Variants in MSH4 observed in about 807,000 individuals in gnomAD.
The protein encoded by MSH4 is mutS protein homolog 4.
In MSH4, 106 loss-of-function variants were observed where a neutral mutation model predicts 113.7. That is an observed-to-expected ratio of 0.93 (90% CI 0.80 to 1.10). The LOEUF is 1.10. MSH4 is among the 50% of genes least tolerant of loss of function. The pLI is 0.00. For synonymous variants in MSH4, 368 were observed against 380.2 expected (o/e 0.97, Z 0.37); for missense variants, 1,061 against 1,093.7 (o/e 0.97, Z 0.42).
chr1:75,881,209 A>C, intron 13 of MSH4, 37 bp from the exon 14 acceptor site: 1 of 1,499,174 alleles, frequency 6.7e-7, no homozygotes, highest in Non-Finnish European at 9.0e-7. Context: ...CCCTTTTGAA[A>C]AAACATTATT....
chr1:75,909,854 C>A (rs559036126), intron 19 of MSH4, among the ~76,000 whole-genome samples: 1 of 152,124 alleles, frequency 6.6e-6, no homozygotes, highest in East Asian at 1.9e-4. Context: ...ACCTCCCCTC[C>A]TTCAAAATTT....
intron 15 of MSH4, 76 bp from the exon 16 acceptor site, chr1:75,889,175 C>T: frequency 1.4e-6 from 1 of 719,960 alleles, no homozygotes; most frequent in Non-Finnish European, 2.4e-6. Flanking sequence ...TGTAAATAAT[C>T]TGAGAAGTAC....
chr1:75,806,968 TA>T lies in MSH4; in HGVS notation c.428-8del. ...TCAATGTTTATATCTTTTCTTTATT[TA>T]AAAATTTACAGCTTCATCCTCATCT... On this transcript the variant is annotated splice_polypyrimidine_tract_variant and intron_variant, in intron 2 of 19. Coordinates refer to ENST00000263187, the MANE Select transcript of MSH4 (RefSeq NM_002440.4). The T allele has an allele frequency of 1.3e-6, 2 of 1,548,250 alleles. No homozygotes were observed. The highest frequency in any genetic ancestry group is 1.7e-6 in the Non-Finnish European group (2 of 1,158,454).
At chr1:75,849,873 G>A (rs1651150232) in intron 8 of MSH4, among the ~76,000 whole-genome samples, 2 of 152,088 alleles carry the variant, frequency 1.3e-5, no homozygotes, top group Non-Finnish European at 2.9e-5. Context: ...AATAGGCATA[G>A]TGCTCTTCAG....
At chr1:75,822,288 CAAAAAAAAAAA>C (rs33965683) in intron 6 of MSH4, 110 bp from the exon 7 acceptor site, 1 of 384,814 alleles carries the variant, frequency 2.6e-6, no homozygotes. Flanking sequence ...GACTCTGTTT[CAAAAAAAAAAA>C]AAAAAAAGAA....
At chr1:75,797,283 T>A (rs1018296195) in intron 1 of MSH4, 54 bp downstream of exon 1, 26 of 1,555,360 alleles carry the variant, frequency 1.7e-5, no homozygotes, top group Non-Finnish European at 2.3e-5. Flanking sequence ...CGGCAGTTCA[T>A]GGAGGCTCGG....
rs988824021 is a variant in MSH4 at position 75,878,840 on chromosome 1, A to C, written c.1541-152A>C. 1.6e-5 allele frequency: 11 copies of C among 692,254 alleles called. No individual in the cohort carries two copies. The African/African-American group carries it at 1.6e-4, about 10-fold the overall frequency. 42.9% of individuals were successfully genotyped at this position (692,254 alleles called of 1,614,324 possible). On this transcript the variant is annotated intron_variant, in intron 11 of 19. Transcript: ENST00000263187. Reference sequence around the variant, plus strand: ...TGAGATCTGTCTTGAAAAAAAAAAAAAATTATTAGAGTTTGAAAGAGCAAC... The same window carrying C: ...TGAGATCTGTCTTGAAAAAAAAAAACAATTATTAGAGTTTGAAAGAGCAAC...
At chr1:75,877,354 A>T (rs1157760613) in intron 10 of MSH4, among the ~76,000 whole-genome samples, 1 of 152,176 alleles carries the variant, frequency 6.6e-6, no homozygotes, top group Non-Finnish European at 1.5e-5. Context: ...TGTAACAAAA[A>T]ATAGTAGATA....
At chr1:75,822,880 C>G (rs1358623703) in intron 7 of MSH4, among the ~76,000 whole-genome samples, 12 of 151,616 alleles carry the variant, frequency 7.9e-5, no homozygotes, top group Admixed American at 7.9e-4. Context: ...CCATGGTAAT[C>G]CTCAAAGATG....
At chr1:75,819,688 C>T (rs1026654306) in intron 6 of MSH4, among the ~76,000 whole-genome samples, 1 of 151,944 alleles carries the variant, frequency 6.6e-6, no homozygotes, top group Non-Finnish European at 1.5e-5. Context: ...ATAAATAGTC[C>T]AACTAAATGA....
At chr1:75,858,697 T>A (rs753818982) in intron 8 of MSH4, among the ~76,000 whole-genome samples, 1 of 152,248 alleles carries the variant, frequency 6.6e-6, no homozygotes, top group Non-Finnish European at 1.5e-5. Flanking sequence ...CTCACATTGA[T>A]GTTCATCAGG....
At chr1:75,805,927 G>T (rs1399227635) in intron 2 of MSH4, among the ~76,000 whole-genome samples, 1 of 151,642 alleles carries the variant, frequency 6.6e-6, no homozygotes, top group East Asian at 1.9e-4. Context: ...TAATTTATTG[G>T]TTATTATGGT....
intron 15 of MSH4, among the ~76,000 whole-genome samples, chr1:75,886,716 A>T (rs1652128417): frequency 7.4e-6 from 1 of 136,036 alleles, no homozygotes; most frequent in Non-Finnish European, 1.5e-5. Flanking sequence ...TATTATATAT[A>T]AATGTATACA....
At chr1:75,824,902 T>A (rs1049779762) in intron 7 of MSH4, among the ~76,000 whole-genome samples, 18 of 79,694 alleles carry the variant, frequency 2.3e-4, no homozygotes, top group African/African-American at 6.7e-4. Context: ...ACCTTCAGCT[T>A]TGTTTTTTTT....
chr1:75,887,861 T>G (rs943100610), intron 15 of MSH4, among the ~76,000 whole-genome samples: 8 of 151,938 alleles, frequency 5.3e-5, no homozygotes, highest in African/African-American at 1.9e-4. Flanking sequence ...GCTCTATCAC[T>G]TCATTATTTA....
rs761900058 is a variant in MSH4 at position 75,797,127 on chromosome 1, G to C, written c.142G>C (p.Val48Leu). 1 of 1,613,800 alleles carries C rather than the reference G, an allele frequency of 6.2e-7. No individual in the cohort carries two copies. The highest frequency in any genetic ancestry group is 8.5e-7 in the Non-Finnish European group (1 of 1,179,894). The change falls in exon 1 of 20, where the codon GTC becomes CTC. Residue 48 changes from valine to leucine, a missense_variant. By Grantham distance (32) the Val-to-Leu change is conservative. Transcript: ENST00000263187. ...ACAGAGCCGCCCTTCGGTCCAGGTG[G>C]TCTCTGCATCCACCTGTCCTGGCAC... Reference protein sequence around the residue: ...TPQSRPSVQVVSASTCPGTSG... With the variant: ...TPQSRPSVQVLSASTCPGTSG...
chr1:75,912,656 TTG>T lies in MSH4; in HGVS notation c.2620-36_2620-35del, dbSNP rs1303436525. ...GTGGTTTAAATAAAAATTATGGTAT[TTG>T]TGTATATATATATATATTTTTTTTT... On this transcript the variant is annotated intron_variant, in intron 19 of 19. Transcript: ENST00000263187. 9.4e-6 allele frequency: 11 copies of T among 1,170,288 alleles called. No homozygotes were observed. The South Asian group carries it at 9.5e-5, about 10-fold the overall frequency. The allele number at this position is 1,170,288 out of a possible 1,614,324, so 72.5% of individuals were successfully genotyped here. A position where few individuals can be genotyped will look rare whatever the true frequency, so the allele number is the denominator to read the frequency against.
intron 8 of MSH4, among the ~76,000 whole-genome samples, chr1:75,859,226 T>C (rs1294928993): frequency 6.6e-6 from 1 of 152,188 alleles, no homozygotes; most frequent in Non-Finnish European, 1.5e-5. Context: ...CCTGGATTCA[T>C]TCATTTTTTG....
chr1:75,843,592 A>G (rs964887562), intron 7 of MSH4, among the ~76,000 whole-genome samples: 18 of 152,150 alleles, frequency 1.2e-4, no homozygotes, highest in East Asian at 7.7e-4. Context: ...ATGAGAATCT[A>G]TGGTTTGTAG....
Sources: allele counts gnomAD v4.1 joint callset (sites outside exome capture counted in the v4.1 genomes callset), GRCh38; gene constraint gnomAD v4.1.1; transcripts MANE v1.5; gene names NCBI Gene and HGNC (gene_info 2026-07-23, HGNC 2026-07-21).